The following ITGB1 variants were observed in gnomAD, a reference collection of about 807,000 sequenced individuals.
ITGB1 encodes integrin subunit beta 1, also known as integrin beta-1.
In ITGB1, 24 loss-of-function variants were observed where a neutral mutation model predicts 86.5. The ratio of observed to expected loss-of-function variants is 0.28; its 90% CI spans 0.20 to 0.39. The LOEUF is 0.39. Ranked by LOEUF, ITGB1 falls within the 10% of genes least tolerant of loss-of-function variation. The probability of loss-of-function intolerance (pLI) is 1.00; values close to 1 mark genes in which losing one functional copy is unlikely to be tolerated. For synonymous variants in ITGB1, 323 were observed against 316.8 expected, an observed-to-expected ratio of 1.02 and a Z score of -0.21; for missense variants, 556 against 946.9, an observed-to-expected ratio of 0.59 and a Z score of 5.42.
chr10:32,911,612 T>G lies in ITGB1; in HGVS notation c.1767A>C (p.Ala589=). Residue 589 remains alanine, a synonymous_variant, in exon 13 of 16, where the codon GCA becomes GCC. Coordinates refer to ENST00000302278, the MANE Select transcript of ITGB1 (RefSeq NM_002211.4). ...CECNPNYTGS[A]CDCSLDTSTC... is the part of the protein sequence containing the mutation. ...TACTAGTATCCAAAGAACAGTCACATGCACTGCCAGTGTAGTTGGGGTTGC... is the reference window on the plus strand; with the variant it reads ...TACTAGTATCCAAAGAACAGTCACAGGCACTGCCAGTGTAGTTGGGGTTGC... The G allele has an allele frequency of 7.4e-6, 12 of 1,614,200 alleles. No homozygotes were observed. Among genetic ancestry groups the G allele is most frequent in the Non-Finnish European group, 1.0e-5 (12 of 1,180,018 alleles).
At chr10:32,911,853 A>C in intron 12 of ITGB1, 33 bp downstream of exon 12, 2 of 1,555,230 alleles carry the variant, frequency 1.3e-6, no homozygotes, top group Non-Finnish European at 1.8e-6. Context: ...AGATGGGATC[A>C]CATCTTACAA....
At chr10:32,950,504 C>A (rs2095040512) in intron 1 of ITGB1, among the ~76,000 whole-genome samples, 1 of 151,658 alleles carries the variant, frequency 6.6e-6, no homozygotes, top group Non-Finnish European at 1.5e-5. Flanking sequence ...TGTTTATGGC[C>A]CAAATATTAA....
At position 32,935,402 on chromosome 10, in the gene ITGB1, T is replaced by C. The variant is rs1045796445; in HGVS notation, c.67+90A>G. 13 of 769,472 alleles carry C rather than the reference T, an allele frequency of 1.7e-5. No individual in the cohort carries two copies. The African/African-American group carries it at 1.9e-4, about 11-fold the overall frequency. The allele number at this position is 769,472 out of a possible 1,614,324, so 47.7% of individuals were successfully genotyped here. The stretch of plus-strand genomic sequence containing the variant: ...GCTTCCAGAAGGAGCAGCATGATTA[T>C]GACTTAGGTTCTCATATGAACCTAA... On this transcript the variant is annotated intron_variant, in intron 2 of 15. Transcript: ENST00000302278.
At chr10:32,906,994 A>G in intron 15 of ITGB1, 1 of 689,372 alleles carries the variant, frequency 1.5e-6, no homozygotes, top group South Asian at 1.5e-5. Context: ...ATAGTGATAA[A>G]GGACACACAG....
chr10:32,927,133 AG>A (rs1357371543), intron 5 of ITGB1, among the ~76,000 whole-genome samples: 1 of 152,192 alleles, frequency 6.6e-6, no homozygotes, highest in East Asian at 1.9e-4. Flanking sequence ...CTAATTTGAT[AG>A]GAGCTCCCTA....
chr10:32,923,889 A>G lies in ITGB1; in HGVS notation c.787-149T>C, dbSNP rs1255024556. The G allele has an allele frequency of 1.5e-5, 10 of 674,422 alleles. 1 individual carries two copies. The highest frequency in any genetic ancestry group is 5.5e-5 in the African/African-American group (3 of 54,454). The allele number at this position is 674,422 out of a possible 1,614,324, so 41.8% of individuals were successfully genotyped here. On this transcript the variant is annotated intron_variant, in intron 6 of 15. Transcript: ENST00000302278. Reference sequence around the variant, plus strand: ...TTATACAATGGTAATTATCTTGCTGAGAAACACACAAAGCCCACTGAATGA... The same window carrying G: ...TTATACAATGGTAATTATCTTGCTGGGAAACACACAAAGCCCACTGAATGA...
At chr10:32,903,351 C>CAAACAAA (rs1555218828) in intron 15 of ITGB1, among the ~76,000 whole-genome samples, 1 of 57,042 alleles carries the variant, frequency 1.8e-5, no homozygotes, top group African/African-American at 6.8e-5. Flanking sequence ...GACTCCATCT[C>CAAACAAA]AAAAAAAAAA....
At chr10:32,946,357 G>C (rs913260501) in intron 1 of ITGB1, among the ~76,000 whole-genome samples, 1 of 152,130 alleles carries the variant, frequency 6.6e-6, no homozygotes, top group South Asian at 2.1e-4. Context: ...GGTTAACAAA[G>C]ACCAAAAAAG....
intron 1 of ITGB1, among the ~76,000 whole-genome samples, chr10:32,941,239 T>C (rs1342122093): frequency 6.6e-6 from 1 of 152,216 alleles, no homozygotes; most frequent in Non-Finnish European, 1.5e-5. Context: ...TCTAAGCATA[T>C]GCATTTGGGC....
chr10:32,938,629 C>A (rs1358895114), intron 1 of ITGB1, among the ~76,000 whole-genome samples: 2 of 152,316 alleles, frequency 1.3e-5, no homozygotes, highest in South Asian at 2.1e-4. Context: ...GCAGGCGAAA[C>A]AAGGCTTCAG....
chr10:32,935,446 A>T, intron 2 of ITGB1, 46 bp downstream of exon 2: 2 of 1,221,246 alleles, frequency 1.6e-6, no homozygotes, highest in Non-Finnish European at 2.4e-6. Flanking sequence ...AGCGCAATAC[A>T]AGATACGGAA....
At chr10:32,957,842 T>A (rs2137277767) in intron 1 of ITGB1, 1 of 152,224 alleles carries the variant, frequency 6.6e-6, no homozygotes, top group East Asian at 1.9e-4. Flanking sequence ...AGCCCCGACG[T>A]GACAGCGCCC....
intron 1 of ITGB1, among the ~76,000 whole-genome samples, chr10:32,954,764 T>G (rs1378179263): frequency 6.6e-6 from 1 of 152,200 alleles, no homozygotes. Context: ...TACATATGTA[T>G]GTGTACTGGA....
intron 3 of ITGB1, 37 bp from the exon 4 acceptor site, chr10:32,930,081 TGTAA>T: frequency 1.2e-6 from 1 of 820,964 alleles, no homozygotes. Context: ...AAATGAAAAT[TGTAA>T]TGGTCAAACC....
In ITGB1 at chr10:32,942,697, T is replaced by TGG. The variant is rs77276454; in HGVS notation, c.1-7141_1-7140dup. Reference sequence around the variant, plus strand: ...TCTCTCTCTCTCTTTTTTTTTTTTTTGGGGGGAGACAGGGTCTTGCTCTGT... The same window carrying TGG: ...TCTCTCTCTCTCTTTTTTTTTTTTTTGGGGGGGGAGACAGGGTCTTGCTCTGT... On this transcript the variant is annotated intron_variant, in intron 1 of 15. Coordinates refer to ENST00000302278, the MANE Select transcript of ITGB1 (RefSeq NM_002211.4). 7.2e-4 allele frequency among the ~76,000 whole-genome samples: 105 copies of TGG among 145,932 alleles called. No individual in the cohort carries two copies. In the East Asian group the frequency reaches 7.5e-3, roughly 10 times the overall value.
intron 6 of ITGB1, among the ~76,000 whole-genome samples, chr10:32,925,529 C>G (rs1035548608): frequency 3.9e-5 from 6 of 152,154 alleles, no homozygotes; most frequent in African/African-American, 1.4e-4. Context: ...AATTCTATCT[C>G]TAGTACAAAG....
At chr10:32,913,995 G>C (rs191112038) in intron 11 of ITGB1, among the ~76,000 whole-genome samples, 16 of 152,346 alleles carry the variant, frequency 1.1e-4, no homozygotes, top group Middle Eastern at 6.8e-3. Flanking sequence ...AGCCAGAAGA[G>C]AGTGGGGGCC....
chr10:32,917,628 C>G (rs2094936087), intron 11 of ITGB1, among the ~76,000 whole-genome samples: 1 of 152,164 alleles, frequency 6.6e-6, no homozygotes, highest in African/African-American at 2.4e-5. Context: ...AAATGCAAAT[C>G]AAAACCACAA....
At chr10:32,925,095 G>C (rs1479655794) in intron 6 of ITGB1, among the ~76,000 whole-genome samples, 1 of 152,058 alleles carries the variant, frequency 6.6e-6, no homozygotes, top group African/African-American at 2.4e-5. Flanking sequence ...AATCAAAGAA[G>C]GTCATCTAGA....
Sources: gnomAD v4.1 joint callset for allele counts (sites outside exome capture counted in the v4.1 genomes callset) on GRCh38, gnomAD v4.1.1 for gene constraint, MANE v1.5 for transcripts, NCBI Gene and HGNC (gene_info 2026-07-23, HGNC 2026-07-21) for gene names.